Variants in GNG4 observed in about 807,000 individuals in gnomAD.
GNG4 encodes G protein subunit gamma 4, also known as guanine nucleotide-binding protein G(I)/G(S)/G(O) subunit gamma-4.
GNG4 carries 4 observed loss-of-function variants against 5.8 expected under a neutral mutation model. That is an observed-to-expected ratio of 0.69 (90% confidence interval 0.34 to 1.57). The LOEUF (loss-of-function observed/expected upper bound fraction) is 1.57, where lower values mean the gene tolerates loss of function less well. Among genes scored for constraint, GNG4 ranks in the 40% most tolerant of loss-of-function variants. The pLI, the probability that GNG4 is intolerant of heterozygous loss-of-function variation, is 0.06. For synonymous variants in GNG4, 29 were observed against 32.9 expected, an observed-to-expected ratio of 0.88 and a Z score of 0.41; for missense variants, 96 against 95.1, an observed-to-expected ratio of 1.01 and a Z score of -0.04.
intron 3 of GNG4, among the ~76,000 whole-genome samples, chr1:235,576,729 A>T (rs115533054): frequency 2.1e-3 from 319 of 152,282 alleles, no homozygotes; most frequent in Middle Eastern, 3.4e-3. Flanking sequence ...GAGAAGGGCC[A>T]AGTAGCAGGG....
rs535133237 is a variant in GNG4, at chr1:235,631,547, G to A, written c.-123+18115C>T. Among the ~76,000 whole-genome samples, 21 of 150,952 alleles carry A rather than the reference G, an allele frequency of 1.4e-4. 1 individual carries two copies. The highest frequency in any genetic ancestry group is 3.4e-3 in the Middle Eastern group (1 of 292). On this transcript the variant is annotated intron_variant, in intron 1 of 3. Transcript: ENST00000391854. The stretch of plus-strand genomic sequence containing the variant: ...CATTAACACTGTTTGCATGCCCAGC[G>A]TAGCTTACTTTTTTCTTTTCTTTCT...
intron 2 of GNG4, among the ~76,000 whole-genome samples, chr1:235,592,832 TCCTC>T (rs992772824): frequency 1.3e-5 from 2 of 152,148 alleles, no homozygotes; most frequent in Non-Finnish European, 2.9e-5. Context: ...AGCCGCCGGG[TCCTC>T]CTTGCTTGGT....
At chr1:235,592,422 T>C (rs1037196210) in intron 2 of GNG4, among the ~76,000 whole-genome samples, 5 of 152,106 alleles carry the variant, frequency 3.3e-5, no homozygotes, top group South Asian at 2.1e-4. Flanking sequence ...GGCAGGAGAA[T>C]TGCTTGAACC....
chr1:235,588,399 C>T (rs1687878359), intron 2 of GNG4, among the ~76,000 whole-genome samples: 1 of 152,154 alleles, frequency 6.6e-6, no homozygotes, highest in Non-Finnish European at 1.5e-5. Flanking sequence ...CAGCTTCTCC[C>T]TCAGCCCCTT....
rs536264845 is a variant in GNG4 at position 235,550,564 on chromosome 1, G to A, written c.*1545C>T. 1.0e-4 allele frequency: 16 copies of A among 152,394 alleles called. No homozygotes were observed. Among genetic ancestry groups the A allele is most frequent in the African/African-American group, 3.9e-4 (16 of 41,552 alleles). 9.4% of individuals were successfully genotyped at this position (152,394 alleles called of 1,614,324 possible). A position where few individuals can be genotyped will look rare whatever the true frequency, so the allele number is the denominator to read the frequency against. On this transcript the variant is annotated 3_prime_UTR_variant, in exon 4 of 4. Transcript: ENST00000391854. ...CACCTGCAATCCCAGCACTTTGGGA[G>A]GCCAAGGTGGGCAGATCACTCGAGG...
At chr1:235,638,894 C>G (rs1369358400) in intron 1 of GNG4, among the ~76,000 whole-genome samples, 2 of 152,118 alleles carry the variant, frequency 1.3e-5, no homozygotes, top group African/African-American at 4.8e-5. Flanking sequence ...TTTTCTTTAT[C>G]CAGTCTATCA....
intron 3 of GNG4, among the ~76,000 whole-genome samples, chr1:235,554,336 G>C (rs1205637142): frequency 6.6e-6 from 1 of 152,116 alleles, no homozygotes; most frequent in African/African-American, 2.4e-5. Flanking sequence ...TGAGGTCTGG[G>C]GTCTCCCTCA....
intron 3 of GNG4, among the ~76,000 whole-genome samples, chr1:235,568,156 CTTTTT>C (rs748725987): frequency 1.5e-5 from 1 of 67,840 alleles, no homozygotes; most frequent in Non-Finnish European, 2.4e-5. Flanking sequence ...AATAAATCTG[CTTTTT>C]TTTTTTTAAA....
chr1:235,574,823 C>T (rs1051713455), intron 3 of GNG4, among the ~76,000 whole-genome samples: 1 of 151,814 alleles, frequency 6.6e-6, no homozygotes, highest in Non-Finnish European at 1.5e-5. Flanking sequence ...CGACACAATC[C>T]TTTCTTTCTT....
At chr1:235,626,171 C>T (rs1356481253) in intron 1 of GNG4, among the ~76,000 whole-genome samples, 1 of 152,160 alleles carries the variant, frequency 6.6e-6, no homozygotes, top group African/African-American at 2.4e-5. Flanking sequence ...TTGCATTTCC[C>T]TAATGACATA....
chr1:235,644,362 A>ACTCACATCCACCGAGCGACCCT lies in GNG4; in HGVS notation c.-123+5278_-123+5299dup, dbSNP rs1219751472. 6.6e-5 allele frequency among the ~76,000 whole-genome samples: 10 copies of ACTCACATCCACCGAGCGACCCT among 152,048 alleles called. No individual in the cohort carries two copies. The highest frequency in any genetic ancestry group is 5.2e-4 in the Admixed American group (8 of 15,276). On this transcript the variant is annotated intron_variant, in intron 1 of 3. Coordinates refer to ENST00000391854, the MANE Select transcript of GNG4 (RefSeq NM_001098722.2). The surrounding 1 kb of genome is among the most constrained non-coding windows in gnomAD (Gnocchi z 5.9). ...TGAGGTCAACATTTTGGAATTTTCT[A>ACTCACATCCACCGAGCGACCCT]CTCACATCCACCGAGCGACCCTCCT...
intron 1 of GNG4, among the ~76,000 whole-genome samples, chr1:235,596,496 C>T (rs1052696764): frequency 7.2e-5 from 11 of 152,190 alleles, no homozygotes; most frequent in African/African-American, 2.2e-4. Flanking sequence ...AAGATCATGC[C>T]TGGGCAACAA....
intron 2 of GNG4, among the ~76,000 whole-genome samples, chr1:235,587,689 G>GTGGGGTA (rs1446853295): frequency 1.6e-5 from 2 of 122,376 alleles, no homozygotes; most frequent in African/African-American, 6.2e-5. Context: ...ATGTGTGCGA[G>GTGGGGTA]TGTTGGGTGT....
At chr1:235,603,802 C>A (rs1188976198) in intron 1 of GNG4, among the ~76,000 whole-genome samples, 1 of 152,158 alleles carries the variant, frequency 6.6e-6, no homozygotes, top group Non-Finnish European at 1.5e-5. Context: ...GGGGTCCGAA[C>A]GACGCTGGGG....
chr1:235,591,032 CCACGGACCACACTTTGAGTAG>C, intron 2 of GNG4, among the ~76,000 whole-genome samples: 2 of 152,262 alleles, frequency 1.3e-5, no homozygotes, highest in Middle Eastern at 6.8e-3. Flanking sequence ...GGCTGCTGGT[CCACGGACCACACTTTGAGTAG>C]CAAGGCTCTG....
intron 1 of GNG4, chr1:235,616,245 TTGA>T: frequency 2.0e-6 from 1 of 508,192 alleles, no homozygotes; most frequent in Non-Finnish European, 3.9e-6. Flanking sequence ...ATTGCTGTGG[TTGA>T]TATGTTCCCT....
chr1:235,593,176 T>C (rs1375997256), intron 2 of GNG4, among the ~76,000 whole-genome samples: 3 of 152,224 alleles, frequency 2.0e-5, no homozygotes, highest in Non-Finnish European at 4.4e-5. Context: ...CTTGAACTCC[T>C]GACCTCAGGT....
At chr1:235,586,549 A>G (rs1373204526) in intron 2 of GNG4, among the ~76,000 whole-genome samples, 2 of 152,182 alleles carry the variant, frequency 1.3e-5, no homozygotes, top group Non-Finnish European at 2.9e-5. Context: ...GCGATTCCCA[A>G]TGTGGGAGGT....
At position 235,597,391 on chromosome 1, in the gene GNG4, TC is replaced by T. The variant is rs749108708; in HGVS notation, c.-122-1881del. Among the ~76,000 whole-genome samples the T allele has an allele frequency of 1.1e-3, 84 of 75,014 alleles. No individual in the cohort carries two copies. The South Asian group carries it at 0.025, about 23-fold the overall frequency. 49.2% of individuals were successfully genotyped at this position (75,014 alleles called of 152,430 possible). ...CTGTGCTATGGTCAGAATGTTTATGTCCCCCCTACCCCCCCCAAATTCCTAT... is the reference window on the plus strand; with the variant it reads ...CTGTGCTATGGTCAGAATGTTTATGTCCCCCTACCCCCCCCAAATTCCTAT... On this transcript the variant is annotated intron_variant, in intron 1 of 3. Coordinates refer to ENST00000391854, the MANE Select transcript of GNG4 (RefSeq NM_001098722.2).
Sources: allele counts gnomAD v4.1 joint callset (sites outside exome capture counted in the v4.1 genomes callset), GRCh38; gene constraint gnomAD v4.1.1; non-coding constraint Gnocchi (gnomAD v3.1); transcripts MANE v1.5; gene names NCBI Gene and HGNC (gene_info 2026-07-23, HGNC 2026-07-21).